Variants in ST3GAL3 observed in about 807,000 individuals in gnomAD.
ST3GAL3 encodes CMP-N-acetylneuraminate-beta-1,4-galactoside alpha-2,3-sialyltransferase.
Under a neutral mutation model 50.1 loss-of-function variants are expected in ST3GAL3, and 21 were observed. The observed-to-expected ratio is 0.42, with a 90% CI of 0.30 to 0.60. ST3GAL3 has a LOEUF of 0.60. Ranked by LOEUF, ST3GAL3 falls within the 20% of genes least tolerant of loss-of-function variation. ST3GAL3 has a pLI of 0.19. For missense variants in ST3GAL3, 353 were observed against 489.4 expected, an observed-to-expected ratio of 0.72 and a Z score of 2.63; for synonymous variants, 183 against 190.0, an observed-to-expected ratio of 0.96 and a Z score of 0.30.
intron 2 of ST3GAL3, among the ~76,000 whole-genome samples, chr1:43,754,556 C>G (rs1262748895): frequency 6.6e-6 from 1 of 152,166 alleles, no homozygotes; most frequent in Non-Finnish European, 1.5e-5. Context: ...AAAGGGCATA[C>G]AGGCTCGTTG....
chr1:43,766,117 G>T (rs1005555770), intron 2 of ST3GAL3, among the ~76,000 whole-genome samples: 1 of 152,152 alleles, frequency 6.6e-6, no homozygotes, highest in Non-Finnish European at 1.5e-5. Flanking sequence ...CATTCAAATA[G>T]CCCTGACAGC....
chr1:43,747,205 C>T (rs535755285), intron 2 of ST3GAL3, among the ~76,000 whole-genome samples: 24 of 152,232 alleles, frequency 1.6e-4, no homozygotes, highest in Admixed American at 3.3e-4. Context: ...GTCAGAAGTT[C>T]GAGAGCAGCC....
chr1:43,892,569 C>T (rs769633547), intron 5 of ST3GAL3, among the ~76,000 whole-genome samples: 8 of 151,766 alleles, frequency 5.3e-5, no homozygotes, highest in South Asian at 4.1e-4. Context: ...AAAATTAACA[C>T]GATACAGGTT....
At chr1:43,919,410 T>C (rs950089247) in intron 9 of ST3GAL3, 1 of 152,334 alleles carries the variant, frequency 6.6e-6, no homozygotes, top group African/African-American at 2.4e-5. Flanking sequence ...CAAATAACAG[T>C]TCGGTTGGAG....
At chr1:43,803,016 C>T (rs2059480728) in intron 3 of ST3GAL3, among the ~76,000 whole-genome samples, 1 of 152,098 alleles carries the variant, frequency 6.6e-6, no homozygotes, top group Non-Finnish European at 1.5e-5. Flanking sequence ...GCCTCCACCT[C>T]CCGGGTTCAA....
intron 1 of ST3GAL3, among the ~76,000 whole-genome samples, chr1:43,733,216 G>C (rs1195987696): frequency 6.6e-6 from 1 of 152,122 alleles, no homozygotes; most frequent in East Asian, 1.9e-4. Flanking sequence ...GCCCAGGCTG[G>C]TCTCGAACTC....
chr1:43,808,632 A>G (rs1382776896), intron 3 of ST3GAL3, among the ~76,000 whole-genome samples: 4 of 152,192 alleles, frequency 2.6e-5, no homozygotes, highest in African/African-American at 7.2e-5. Context: ...GGAGAACCCA[A>G]GAGTCCGAAG....
chr1:43,875,935 C>A (rs900202435), intron 5 of ST3GAL3, among the ~76,000 whole-genome samples: 48 of 57,068 alleles, frequency 8.4e-4, no homozygotes, highest in Admixed American at 1.7e-3. Flanking sequence ...TCTTCTTCTT[C>A]TTCTTCTTCT....
intron 11 of ST3GAL3, among the ~76,000 whole-genome samples, chr1:43,928,042 G>A (rs1460786089): frequency 6.6e-6 from 1 of 152,232 alleles, no homozygotes; most frequent in Admixed American, 6.5e-5. Context: ...CGGGAATTTG[G>A]CTGATGACTA....
intron 5 of ST3GAL3, among the ~76,000 whole-genome samples, chr1:43,863,722 G>T (rs2070615703): frequency 6.6e-6 from 1 of 152,098 alleles, no homozygotes; most frequent in Admixed American, 6.5e-5. Flanking sequence ...CCCCACAGAG[G>T]CCCCAGTCTG....
chr1:43,882,331 A>G (rs921348052), intron 5 of ST3GAL3, among the ~76,000 whole-genome samples: 1 of 152,206 alleles, frequency 6.6e-6, no homozygotes, highest in Admixed American at 6.5e-5. Context: ...GGGCTAAAGC[A>G]TAGGGAAAGG....
At chr1:43,748,871 G>C (rs1395770132) in intron 2 of ST3GAL3, among the ~76,000 whole-genome samples, 1 of 77,964 alleles carries the variant, frequency 1.3e-5, no homozygotes, top group African/African-American at 4.6e-5. Context: ...ATTTCAGCAG[G>C]CTTAAAAAAA....
At chr1:43,900,602 C>G (rs1293650299) in intron 9 of ST3GAL3, 1 of 152,318 alleles carries the variant, frequency 6.6e-6, no homozygotes, top group Non-Finnish European at 1.5e-5. Flanking sequence ...AATACCCAAG[C>G]CTCTTGCTAG....
intron 3 of ST3GAL3, chr1:43,799,515 G>A (rs1365427264): frequency 1.3e-5 from 2 of 152,310 alleles, no homozygotes; most frequent in East Asian, 3.9e-4. Context: ...GGAACCTTCT[G>A]TGTGTGTCCT....
chr1:43,729,355 C>A (rs968816131), intron 1 of ST3GAL3, among the ~76,000 whole-genome samples: 11 of 152,170 alleles, frequency 7.2e-5, no homozygotes, highest in Non-Finnish European at 4.4e-5. Context: ...ACGGGGATTA[C>A]AGGTGTGAGC....
intron 2 of ST3GAL3, among the ~76,000 whole-genome samples, chr1:43,752,740 C>T (rs1162619064): frequency 6.6e-6 from 1 of 152,112 alleles, no homozygotes; most frequent in East Asian, 1.9e-4. Context: ...TGGGCTCAAG[C>T]GATCCTCCCA....
intron 9 of ST3GAL3, among the ~76,000 whole-genome samples, chr1:43,905,456 CTGT>C (rs2079208059): frequency 7.5e-6 from 1 of 133,302 alleles, no homozygotes; most frequent in African/African-American, 2.9e-5. Flanking sequence ...CTTCCCACCA[CTGT>C]TCCTCCCCCT....
At chr1:43,765,797 GCGCGTCCGCGCGTC>G (rs1235225442) in intron 2 of ST3GAL3, among the ~76,000 whole-genome samples, 2 of 146,800 alleles carry the variant, frequency 1.4e-5, no homozygotes, top group African/African-American at 5.4e-5. Context: ...GCGCGCGCGC[GCGCGTCCGCGCGTC>G]CGCGTGCGCT....
At chr1:43,773,361 G>A (rs1266267569) in intron 2 of ST3GAL3, among the ~76,000 whole-genome samples, 1 of 152,092 alleles carries the variant, frequency 6.6e-6, no homozygotes, top group African/African-American at 2.4e-5. Context: ...CTTACTACAT[G>A]CTCTGGTCCC....
Sources: allele counts gnomAD v4.1 joint callset (sites outside exome capture counted in the v4.1 genomes callset), GRCh38; gene constraint gnomAD v4.1.1; transcripts MANE v1.5; gene names NCBI Gene and HGNC (gene_info 2026-07-23, HGNC 2026-07-21).